The following PAPOLA variants were observed in gnomAD, a reference collection of about 807,000 sequenced individuals.
The protein encoded by PAPOLA is poly(A) polymerase alpha.
PAPOLA carries 15 observed loss-of-function variants against 100.6 expected under a neutral mutation model. The observed-to-expected ratio is 0.15, with a 90% CI of 0.10 to 0.23. The LOEUF is 0.23. Ranked by LOEUF, PAPOLA falls within the 10% of genes least tolerant of loss-of-function variation. The pLI, the probability that PAPOLA is intolerant of heterozygous loss-of-function variation, is 1.00. For synonymous variants in PAPOLA, 293 were observed against 300.0 expected (o/e 0.98, Z 0.24); for missense variants, 533 against 884.2 (o/e 0.60, Z 5.04).
chr14:96,534,233 G>T, intron 9 of PAPOLA: 1 of 1,287,500 alleles, frequency 7.8e-7, no homozygotes, highest in East Asian at 3.2e-5. Context: ...TATTTAAATA[G>T]TCCTTTAAAG....
intron 7 of PAPOLA, chr14:96,531,873 A>G: frequency 1.5e-6 from 2 of 1,372,654 alleles, no homozygotes; most frequent in Non-Finnish European, 1.9e-6. Flanking sequence ...TTCATGGCCT[A>G]ACCCAAATTA....
intron 19 of PAPOLA, among the ~76,000 whole-genome samples, chr14:96,559,577 C>CTATG (rs1266017605): frequency 1.8e-5 from 2 of 110,710 alleles, no homozygotes; most frequent in Non-Finnish European, 3.7e-5. Context: ...CTCTCTCTCT[C>CTATG]TCTCTATATA....
intron 3 of PAPOLA, 36 bp from the exon 4 acceptor site, chr14:96,525,274 C>G (rs1316611109): frequency 2.2e-6 from 2 of 926,780 alleles, no homozygotes; most frequent in Non-Finnish European, 3.6e-6. Context: ...TTCCCTTGTG[C>G]TCCACTGGCA....
In PAPOLA at chr14:96,558,882, G is replaced by C. The variant is rs1370067393; in HGVS notation, c.2005-1767G>C. On this transcript the variant is annotated intron_variant, in intron 19 of 21. Transcript: ENST00000216277. The stretch of plus-strand genomic sequence containing the variant: ...TCAAATGGCCCCTGATTGTTTCATT[G>C]ATTTTTTAAAAAATAGGCTGTTTGT... Among the ~76,000 whole-genome samples the C allele has an allele frequency of 3.9e-5, 6 of 152,020 alleles. No individual in the cohort carries two copies. The South Asian group carries it at 1.2e-3, about 32-fold the overall frequency.
At position 96,531,383 on chromosome 14, in the gene PAPOLA, G is replaced by C. The variant is rs866728022; in HGVS notation, c.496-92G>C. The C allele has an allele frequency of 5.8e-5, 56 of 959,530 alleles. No individual in the cohort carries two copies. The African/African-American group carries it at 7.0e-4, about 12-fold the overall frequency. 59.4% of individuals were successfully genotyped at this position (959,530 alleles called of 1,614,324 possible). A position where few individuals can be genotyped will look rare whatever the true frequency, so the allele number is the denominator to read the frequency against. On this transcript the variant is annotated intron_variant, in intron 6 of 21. Coordinates refer to ENST00000216277, the MANE Select transcript of PAPOLA (RefSeq NM_032632.5). Reference sequence around the variant, plus strand: ...GTGTTCCACCTGCCTCAGCCTCCCAGAGTGCTGGGATTTTTTGTTTGTTTG... The same window carrying C: ...GTGTTCCACCTGCCTCAGCCTCCCACAGTGCTGGGATTTTTTGTTTGTTTG...
chr14:96,523,303 TA>T (rs1376254505), intron 3 of PAPOLA, among the ~76,000 whole-genome samples: 1 of 152,194 alleles, frequency 6.6e-6, no homozygotes, highest in Non-Finnish European at 1.5e-5. Flanking sequence ...TAGTTTATAA[TA>T]TACTAGTCAC....
chr14:96,525,498 G>C, intron 4 of PAPOLA, 107 bp downstream of exon 4: 1 of 556,822 alleles, frequency 1.8e-6, no homozygotes, highest in East Asian at 3.2e-5. Flanking sequence ...TTGCATGGAA[G>C]AGAGAGTGCT....
chr14:96,534,621 A>G lies in PAPOLA; in HGVS notation c.909+58A>G, dbSNP rs966013054. On this transcript the variant is annotated intron_variant, in intron 10 of 21. Transcript: ENST00000216277. Reference sequence around the variant, plus strand: ...CACTGTGCAATAACAAGTAAAAATCATCTGCATAAACTCCAGGGAGACTTC... The same window carrying G: ...CACTGTGCAATAACAAGTAAAAATCGTCTGCATAAACTCCAGGGAGACTTC... 3.1e-6 allele frequency: 5 copies of G among 1,612,528 alleles called. No individual in the cohort carries two copies. The African/African-American group carries it at 4.0e-5, about 13-fold the overall frequency.
At position 96,565,534 on chromosome 14, in the gene PAPOLA, T is replaced by C; in HGVS notation, c.*484T>C. 1 of 409,654 alleles carries C rather than the reference T, an allele frequency of 2.4e-6. No homozygotes were observed. Among genetic ancestry groups the C allele is most frequent in the Non-Finnish European group, 4.3e-6 (1 of 231,334 alleles). The allele number at this position is 409,654 out of a possible 1,614,324, so 25.4% of individuals were successfully genotyped here. The stretch of plus-strand genomic sequence containing the variant: ...TTAGTCTTCAAATTGGATACTGTTG[T>C]GCAGTGGTGTACTGTTATACTTCAG... On this transcript the variant is annotated 3_prime_UTR_variant, in exon 22 of 22. Coordinates refer to ENST00000216277, the MANE Select transcript of PAPOLA (RefSeq NM_032632.5).
At chr14:96,506,006 C>G (rs562640777) in intron 1 of PAPOLA, among the ~76,000 whole-genome samples, 2 of 152,246 alleles carry the variant, frequency 1.3e-5, no homozygotes, top group South Asian at 4.2e-4. Flanking sequence ...CGGGTTCAAG[C>G]GATTCTCCTG....
intron 1 of PAPOLA, among the ~76,000 whole-genome samples, chr14:96,507,658 A>G (rs573420820): frequency 3.6e-4 from 55 of 152,238 alleles, no homozygotes; most frequent in Non-Finnish European, 6.8e-4. Context: ...TTCTTCAGTT[A>G]TAATTTCCAA....
At chr14:96,515,202 G>A (rs1219557338) in intron 1 of PAPOLA, among the ~76,000 whole-genome samples, 5 of 152,138 alleles carry the variant, frequency 3.3e-5, no homozygotes, top group Admixed American at 3.3e-4. Context: ...ACTTTGCCTT[G>A]ATGAAAATAA....
At chr14:96,563,387 G>C (rs1037786620) in intron 21 of PAPOLA, among the ~76,000 whole-genome samples, 1 of 152,176 alleles carries the variant, frequency 6.6e-6, no homozygotes, top group African/African-American at 2.4e-5. Context: ...AATTCTACTT[G>C]TGACAGACCC....
intron 1 of PAPOLA, among the ~76,000 whole-genome samples, chr14:96,507,722 T>C (rs1370963311): frequency 6.6e-6 from 1 of 152,232 alleles, no homozygotes; most frequent in Non-Finnish European, 1.5e-5. Flanking sequence ...TTTGGAGTGC[T>C]CAATACATTT....
chr14:96,542,558 A>G (rs1193792675), intron 13 of PAPOLA: 1 of 550,768 alleles, frequency 1.8e-6, no homozygotes, highest in African/African-American at 2.0e-5. Context: ...TTTTTCTTAA[A>G]ATTTTTGTGT....
At chr14:96,554,732 G>A (rs1333428223) in intron 17 of PAPOLA, among the ~76,000 whole-genome samples, 1 of 152,178 alleles carries the variant, frequency 6.6e-6, no homozygotes. Flanking sequence ...AAATGCTAAT[G>A]TGTAGGATTT....
chr14:96,563,244 G>A (rs948880085), intron 21 of PAPOLA, among the ~76,000 whole-genome samples: 23 of 152,128 alleles, frequency 1.5e-4, no homozygotes, highest in African/African-American at 5.3e-4. Flanking sequence ...CATTCTTCGT[G>A]GATTTCTTTT....
chr14:96,559,582 T>TCTC (rs1901660731), intron 19 of PAPOLA, among the ~76,000 whole-genome samples: 1 of 47,614 alleles, frequency 2.1e-5, no homozygotes, highest in East Asian at 4.5e-4. Context: ...TCTCTCTCTC[T>TCTC]ATATATATAT....
At chr14:96,547,131 G>A (rs1900452626) in intron 15 of PAPOLA, among the ~76,000 whole-genome samples, 1 of 152,012 alleles carries the variant, frequency 6.6e-6, no homozygotes, top group South Asian at 2.1e-4. Context: ...GACCCTTTGA[G>A]GCTACGTTGG....
Sources: gnomAD v4.1 joint callset for allele counts (sites outside exome capture counted in the v4.1 genomes callset) on GRCh38, gnomAD v4.1.1 for gene constraint, MANE v1.5 for transcripts, NCBI Gene and HGNC (gene_info 2026-07-23, HGNC 2026-07-21) for gene names.